Variants in FBXL7 observed in about 807,000 individuals in gnomAD.
The protein encoded by FBXL7 is F-box/LRR-repeat protein 7.
FBXL7 carries 12 observed loss-of-function variants against 38.3 expected under a neutral mutation model. The observed-to-expected ratio is 0.31, with a 90% CI of 0.20 to 0.51. The LOEUF (loss-of-function observed/expected upper bound fraction) is 0.51. Among genes scored for constraint, FBXL7 ranks in the 20% least tolerant of loss-of-function variants. FBXL7 has a pLI of 0.98. For missense variants in FBXL7, 567 were observed against 676.4 expected, an observed-to-expected ratio of 0.84 and a Z score of 1.79; for synonymous variants, 297 against 300.9, an observed-to-expected ratio of 0.99 and a Z score of 0.13.
chr5:15,712,559 A>C (rs756409651), intron 2 of FBXL7, among the ~76,000 whole-genome samples: 6 of 152,262 alleles, frequency 3.9e-5, no homozygotes, highest in Admixed American at 3.3e-4. Context: ...CAGGAAAGGC[A>C]ATCTGTGATA....
At chr5:15,625,880 A>C (rs952056277) in intron 2 of FBXL7, among the ~76,000 whole-genome samples, 1 of 152,198 alleles carries the variant, frequency 6.6e-6, no homozygotes, top group African/African-American at 2.4e-5. Context: ...TAACATAGGA[A>C]TAGGAATAAA....
chr5:15,820,694 C>T (rs1032060165), intron 2 of FBXL7, among the ~76,000 whole-genome samples: 3 of 152,078 alleles, frequency 2.0e-5, no homozygotes, highest in East Asian at 1.9e-4. Context: ...TGGATTTCTC[C>T]GCATCAAAAA....
intron 2 of FBXL7, among the ~76,000 whole-genome samples, chr5:15,725,796 C>T (rs569811428): frequency 9.2e-5 from 14 of 152,192 alleles, no homozygotes; most frequent in African/African-American, 2.6e-4. Flanking sequence ...CCACCACAGC[C>T]GGCTAATTTT....
chr5:15,758,045 C>T (rs149562667), intron 2 of FBXL7, among the ~76,000 whole-genome samples: 15 of 152,136 alleles, frequency 9.9e-5, no homozygotes, highest in East Asian at 7.8e-4. Context: ...CAGGTAGCAC[C>T]ATGGAATCAA....
chr5:15,899,297 C>T (rs1741179165), intron 2 of FBXL7, among the ~76,000 whole-genome samples: 1 of 152,134 alleles, frequency 6.6e-6, no homozygotes, highest in African/African-American at 2.4e-5. Flanking sequence ...AACTCCCAAC[C>T]TCAGGTGATC....
rs556202112 is a variant in FBXL7, at chr5:15,528,000, ATATC to A, written c.37+27290_37+27293del. 1.5e-3 allele frequency among the ~76,000 whole-genome samples: 235 copies of A among 152,364 alleles called. 2 individuals are homozygous for A. The highest frequency in any genetic ancestry group is 0.013 in the Admixed American group (192 of 15,308). On this transcript the variant is annotated intron_variant, in intron 1 of 3. Coordinates refer to ENST00000504595, the MANE Select transcript of FBXL7 (RefSeq NM_012304.5). ...TTTCAACAGTTGACCATCAGAAACA[ATATC>A]TAACATGTTTATAATTTTCATATAT...
In FBXL7 at chr5:15,789,723, A is replaced by G. The variant is rs187019365; in HGVS notation, c.128-138167A>G. Among the ~76,000 whole-genome samples the G allele has an allele frequency of 2.5e-4, 38 of 152,166 alleles. 1 individual carries two copies. The East Asian group carries it at 5.2e-3, about 21-fold the overall frequency. ...TTCCAATCTTCTTCCCATCACTTCAATTTGGAGCCAGTTCCCTGACTCTGT... is the reference window on the plus strand; with the variant it reads ...TTCCAATCTTCTTCCCATCACTTCAGTTTGGAGCCAGTTCCCTGACTCTGT... On this transcript the variant is annotated intron_variant, in intron 2 of 3. Transcript: ENST00000504595.
chr5:15,799,247 G>A (rs1737494902), intron 2 of FBXL7, among the ~76,000 whole-genome samples: 1 of 152,036 alleles, frequency 6.6e-6, no homozygotes, highest in Admixed American at 6.5e-5. Flanking sequence ...ATAGACAGAA[G>A]GAGCGACTGA....
chr5:15,915,820 C>T (rs1352792831), intron 2 of FBXL7, among the ~76,000 whole-genome samples: 2 of 151,968 alleles, frequency 1.3e-5, no homozygotes, highest in Non-Finnish European at 2.9e-5. Context: ...TCTCAGTTAA[C>T]GAGTTGTTGA....
chr5:15,811,096 C>G (rs1290053250), intron 2 of FBXL7, among the ~76,000 whole-genome samples: 4 of 152,150 alleles, frequency 2.6e-5, no homozygotes, highest in African/African-American at 9.7e-5. Context: ...CTACTGATAT[C>G]AGTAACTCCT....
chr5:15,629,209 A>T (rs1322818901), intron 2 of FBXL7, among the ~76,000 whole-genome samples: 1 of 151,946 alleles, frequency 6.6e-6, no homozygotes, highest in East Asian at 1.9e-4. Context: ...CAGGAGTTTG[A>T]GGCTTTAGTG....
chr5:15,576,212 A>G (rs1047268901), intron 1 of FBXL7, among the ~76,000 whole-genome samples: 6 of 149,622 alleles, frequency 4.0e-5, no homozygotes, highest in Non-Finnish European at 8.8e-5. Flanking sequence ...CTTCCTGAGT[A>G]TCTGGGATTA....
At chr5:15,550,081 T>C (rs1051538366) in intron 1 of FBXL7, among the ~76,000 whole-genome samples, 3 of 152,222 alleles carry the variant, frequency 2.0e-5, no homozygotes, top group East Asian at 3.9e-4. Flanking sequence ...CTAGAGAATA[T>C]TGGCTAACTA....
intron 1 of FBXL7, among the ~76,000 whole-genome samples, chr5:15,612,400 T>A (rs961614944): frequency 6.6e-6 from 1 of 152,206 alleles, no homozygotes; most frequent in Non-Finnish European, 1.5e-5. Flanking sequence ...ACATTATTAT[T>A]TGTTTCCTCA....
intron 2 of FBXL7, among the ~76,000 whole-genome samples, chr5:15,697,504 A>G (rs572074087): frequency 1.3e-5 from 2 of 152,226 alleles, no homozygotes; most frequent in African/African-American, 2.4e-5. Flanking sequence ...AATAAGTGCT[A>G]TGAGATTAAT....
intron 2 of FBXL7, among the ~76,000 whole-genome samples, chr5:15,627,071 G>A (rs770603383): frequency 5.3e-4 from 80 of 152,126 alleles, no homozygotes; most frequent in Non-Finnish European, 1.0e-3. Flanking sequence ...GGTGGAGCAT[G>A]CACCCTGCTA....
At chr5:15,791,154 C>T (rs1484300688) in intron 2 of FBXL7, among the ~76,000 whole-genome samples, 1 of 152,004 alleles carries the variant, frequency 6.6e-6, no homozygotes, top group Non-Finnish European at 1.5e-5. Flanking sequence ...GCAAGATTCT[C>T]CTGTGGATTA....
chr5:15,788,878 G>A (rs1408410407), intron 2 of FBXL7, among the ~76,000 whole-genome samples: 1 of 148,462 alleles, frequency 6.7e-6, no homozygotes, highest in African/African-American at 2.5e-5. Flanking sequence ...TTTTGAAGGA[G>A]TCTTGCTCTG....
At chr5:15,747,326 TG>T (rs1397721195) in intron 2 of FBXL7, among the ~76,000 whole-genome samples, 1 of 152,198 alleles carries the variant, frequency 6.6e-6, no homozygotes, top group African/African-American at 2.4e-5. Flanking sequence ...TCTTAAGCTT[TG>T]TTTATGCATG....
Sources: gnomAD v4.1 joint callset for allele counts (sites outside exome capture counted in the v4.1 genomes callset) on GRCh38, gnomAD v4.1.1 for gene constraint, MANE v1.5 for transcripts, NCBI Gene and HGNC (gene_info 2026-07-23, HGNC 2026-07-21) for gene names.